PDE4DIP: variants seen among roughly 807,000 people sequenced by gnomAD.
PDE4DIP encodes myomegalin.
A neutral mutation model predicts 221.4 loss-of-function variants in PDE4DIP; 59 were observed. The ratio of observed to expected loss-of-function variants is 0.27; its 90% CI spans 0.22 to 0.33. The LOEUF (loss-of-function observed/expected upper bound fraction) is 0.33. PDE4DIP is among the 10% of genes least tolerant of loss of function. PDE4DIP has a pLI of 1.00. For synonymous variants in PDE4DIP, 404 were observed against 815.9 expected, an observed-to-expected ratio of 0.50 and a Z score of 8.60; for missense variants, 1,036 against 2,154.2, an observed-to-expected ratio of 0.48 and a Z score of 10.28.
intron 17 of PDE4DIP, 80 bp from the exon 21 acceptor site, chr1:148,977,857 T>G: frequency 6.4e-7 from 1 of 1,564,960 alleles, no homozygotes; most frequent in South Asian, 1.2e-5. Flanking sequence ...CATTACTGGC[T>G]GATAGTAATA....
intron 1 of PDE4DIP, among the ~76,000 whole-genome samples, chr1:148,926,620 G>A (rs1553465948): frequency 6.7e-6 from 1 of 148,370 alleles, no homozygotes; most frequent in African/African-American, 2.5e-5. Context: ...TATGCCTCAC[G>A]ATCCTCTCAG....
intron 33 of PDE4DIP, among the ~76,000 whole-genome samples, chr1:149,017,271 G>A (rs1553612342): frequency 1.3e-5 from 2 of 150,244 alleles, no homozygotes; most frequent in African/African-American, 4.9e-5. Flanking sequence ...ACCGCATAGG[G>A]TGAGTGTAAG....
exon 9 of PDE4DIP, chr1:148,962,441 C>T (rs1256144481): frequency 3.1e-6 from 2 of 641,442 alleles, no homozygotes; most frequent in African/African-American, 3.7e-5. Context: ...TCAGAGGGTA[C>T]TTCTCCAGCT....
In PDE4DIP at chr1:148,877,006, C is replaced by T. The variant is rs1450276653; in HGVS notation, c.441+8384C>T. 2.2e-4 allele frequency among the ~76,000 whole-genome samples: 31 copies of T among 143,160 alleles called. 2 individuals are homozygous for T. Among genetic ancestry groups the T allele is most frequent in the Admixed American group, 9.4e-4 (14 of 14,828 alleles). The allele number at this position is 143,160 out of a possible 152,430, so 93.9% of individuals were successfully genotyped here. On this transcript the variant is annotated intron_variant, in intron 3 of 45. Coordinates refer to the PDE4DIP transcript ENST00000524974. ...CAGCCTGGGTGACAGAGCTAGACTC[C>T]GTCTCAAAAAAAACAAAAAAAAAGA...
chr1:148,969,608 G>A (rs1442317621), intron 14 of PDE4DIP, among the ~76,000 whole-genome samples: 1 of 150,388 alleles, frequency 6.6e-6, no homozygotes, highest in Non-Finnish European at 1.5e-5. Context: ...TCTGAGTTAA[G>A]AGGGAAAAAA....
At chr1:148,931,737 T>C in intron 2 of PDE4DIP, 63 bp from the exon 6 acceptor site, 5 of 1,237,876 alleles carry the variant, frequency 4.0e-6, no homozygotes, top group Non-Finnish European at 5.9e-6. Context: ...AAGAACAACC[T>C]TAATGGTTCC....
chr1:148,937,914 GC>G lies in PDE4DIP; in HGVS notation c.636+53del, dbSNP rs782583058. 32 of 629,312 alleles carry G rather than the reference GC, an allele frequency of 5.1e-5. 1 individual carries two copies. Among genetic ancestry groups the G allele is most frequent in the Non-Finnish European group, 2.9e-6 (1 of 350,430 alleles). The allele number at this position is 629,312 out of a possible 1,614,324, so 39.0% of individuals were successfully genotyped here. A position where few individuals can be genotyped will look rare whatever the true frequency, so the allele number is the denominator to read the frequency against. ...AAGCACTTGCTTCATGCTTTCATAA[GC>G]CCTGCTTTTTAATATCTAAGTGTAT... On this transcript the variant is annotated intron_variant, in intron 5 of 43. Transcript: ENST00000369354.
chr1:149,014,925 C>T (rs2069903539), intron 32 of PDE4DIP, among the ~76,000 whole-genome samples: 1 of 152,130 alleles, frequency 6.6e-6, no homozygotes, highest in South Asian at 2.1e-4. Context: ...CCTCACATGG[C>T]CTTGATTAAA....
At chr1:149,015,360 AG>A (rs1167266093) in intron 32 of PDE4DIP, among the ~76,000 whole-genome samples, 1 of 151,976 alleles carries the variant, frequency 6.6e-6, no homozygotes, top group Non-Finnish European at 1.5e-5. Context: ...AACCCCTCCA[AG>A]GAGTTTGGCT....
At chr1:148,823,780 CA>C (rs1558457693) in intron 1 of PDE4DIP, among the ~76,000 whole-genome samples, 1 of 149,878 alleles carries the variant, frequency 6.7e-6, no homozygotes, top group African/African-American at 2.5e-5. Flanking sequence ...CACATATCTT[CA>C]AAAAGAAAAA....
At chr1:148,934,872 G>A (rs2048856970) in intron 4 of PDE4DIP, among the ~76,000 whole-genome samples, 1 of 152,058 alleles carries the variant, frequency 6.6e-6, no homozygotes, top group Non-Finnish European at 1.5e-5. Flanking sequence ...CCAAAGTGCT[G>A]GGATTACAGG....
At chr1:149,009,855 G>A in intron 30 of PDE4DIP, 64 bp downstream of exon 33, 2 of 1,156,456 alleles carry the variant, frequency 1.7e-6, no homozygotes, top group Non-Finnish European at 2.6e-6. Flanking sequence ...CAGGAAACAG[G>A]GCTTATAGCT....
intron 1 of PDE4DIP, among the ~76,000 whole-genome samples, chr1:148,846,604 A>C: frequency 7.1e-5 from 2 of 28,094 alleles, no homozygotes; most frequent in African/African-American, 1.9e-4. Context: ...AAAACACAAA[A>C]AAAATTAGCC....
At chr1:149,011,154 C>T (rs1247641053) in intron 31 of PDE4DIP, among the ~76,000 whole-genome samples, 1 of 150,380 alleles carries the variant, frequency 6.6e-6, no homozygotes, top group Non-Finnish European at 1.5e-5. Context: ...ATTTCATTTA[C>T]AAGTTCAGCT....
chr1:148,995,913 T>C (rs1332999832), intron 22 of PDE4DIP, among the ~76,000 whole-genome samples: 1 of 149,674 alleles, frequency 6.7e-6, no homozygotes, highest in Non-Finnish European at 1.5e-5. Flanking sequence ...AAAATAAAAG[T>C]TGTATATATG....
chr1:149,009,930 G>C, intron 30 of PDE4DIP, 139 bp downstream of exon 33: 2 of 716,034 alleles, frequency 2.8e-6, no homozygotes, highest in Non-Finnish European at 5.0e-6. Context: ...GGCACCAGTG[G>C]ATCAGGATCT....
At chr1:149,013,157 A>G (rs1553607274) in intron 32 of PDE4DIP, among the ~76,000 whole-genome samples, 1 of 152,256 alleles carries the variant, frequency 6.6e-6, no homozygotes. Context: ...GGCCACATTC[A>G]GTGGGCTCCT....
intron 1 of PDE4DIP, among the ~76,000 whole-genome samples, chr1:148,890,793 G>T: frequency 1.1e-5 from 1 of 87,334 alleles, no homozygotes; most frequent in East Asian, 9.5e-4. Flanking sequence ...CCAAAGGGGT[G>T]GCACTATGTT....
At chr1:149,032,633 T>C (rs1553640065) in exon 44 of PDE4DIP, 1 of 232,892 alleles carries the variant, frequency 4.3e-6, no homozygotes, top group Admixed American at 5.4e-5. Flanking sequence ...TAGCACATCC[T>C]ATTTCTTTTC....
Sources: gnomAD v4.1 joint callset for allele counts (sites outside exome capture counted in the v4.1 genomes callset) on GRCh38, gnomAD v4.1.1 for gene constraint, MANE v1.5 for transcripts, NCBI Gene and HGNC (gene_info 2026-07-23, HGNC 2026-07-21) for gene names.